The following ILDR1 variants were observed in gnomAD, a reference collection of about 807,000 sequenced individuals.
ILDR1 encodes immunoglobulin-like domain-containing receptor 1.
In ILDR1, 56 loss-of-function variants were observed where a neutral mutation model predicts 62.4. The observed-to-expected ratio is 0.90, with a 90% CI of 0.72 to 1.12. The LOEUF is 1.12. Ranked by LOEUF, ILDR1 falls within the 50% of genes most tolerant of loss-of-function variation. ILDR1 has a pLI of 0.00. For missense variants in ILDR1, 736 were observed against 710.6 expected (o/e 1.04, Z -0.41); for synonymous variants, 284 against 277.8 (o/e 1.02, Z -0.22).
At chr3:122,034,639 TG>T in the ILDR1 span, among the ~76,000 whole-genome samples, 1 of 109,038 alleles carries the variant, frequency 9.2e-6, no homozygotes, top group African/African-American at 3.3e-5. Flanking sequence ...GCAGGTTTTT[TG>T]TTGTTGTTGT....
upstream of ILDR1, among the ~76,000 whole-genome samples, chr3:122,022,840 G>C (rs142301968): frequency 0.023 from 3,470 of 152,176 alleles, 134 homozygotes; most frequent in African/African-American, 0.078. Flanking sequence ...TTGAACCTGG[G>C]AGGCGGAGGT....
At chr3:122,050,218 A>T in the ILDR1 span, among the ~76,000 whole-genome samples, 1 of 152,154 alleles carries the variant, frequency 6.6e-6, no homozygotes, top group Non-Finnish European at 1.5e-5. Context: ...AACTCATTCA[A>T]CTGTGCTATG....
chr3:122,011,497 C>A (rs2071700520), intron 1 of ILDR1, among the ~76,000 whole-genome samples: 2 of 151,956 alleles, frequency 1.3e-5, no homozygotes, highest in Admixed American at 1.3e-4. Context: ...ATCTTCTCTT[C>A]TATTTCATCC....
intron 1 of ILDR1, among the ~76,000 whole-genome samples, chr3:122,009,405 T>C (rs1270858791): frequency 6.7e-6 from 1 of 148,454 alleles, no homozygotes; most frequent in Non-Finnish European, 1.5e-5. Context: ...AATTAAACTT[T>C]AATATTTACT....
the ILDR1 span, among the ~76,000 whole-genome samples, chr3:122,041,178 AG>A: frequency 6.6e-6 from 1 of 152,140 alleles, no homozygotes; most frequent in East Asian, 1.9e-4. Context: ...CCCAAAAGCC[AG>A]GGTTGGAAAC....
chr3:122,039,859 G>A, the ILDR1 span, among the ~76,000 whole-genome samples: 8 of 151,918 alleles, frequency 5.3e-5, no homozygotes, highest in African/African-American at 9.6e-5. Flanking sequence ...AATGATAATA[G>A]CACAATTGTA....
intron 5 of ILDR1, among the ~76,000 whole-genome samples, chr3:121,997,189 C>G (rs921344993): frequency 1.3e-4 from 20 of 151,402 alleles, no homozygotes; most frequent in Non-Finnish European, 2.9e-4. Context: ...GCATGAGCCA[C>G]CATGCCCAGC....
At chr3:122,041,804 T>A in the ILDR1 span, among the ~76,000 whole-genome samples, 10 of 152,170 alleles carry the variant, frequency 6.6e-5, no homozygotes, top group Admixed American at 5.9e-4. Flanking sequence ...AACTTTTTTT[T>A]TTCTGGTGGA....
chr3:122,023,403 A>T (rs1027261189), upstream of ILDR1, among the ~76,000 whole-genome samples: 2 of 152,182 alleles, frequency 1.3e-5, no homozygotes, highest in Non-Finnish European at 2.9e-5. Context: ...TTCTTCAAGA[A>T]AAATAAATGA....
At chr3:122,025,585 A>G (rs2071912426), upstream of ILDR1, among the ~76,000 whole-genome samples, 1 of 152,252 alleles carries the variant, frequency 6.6e-6, no homozygotes, top group Admixed American at 6.5e-5. Flanking sequence ...CTCATCATTT[A>G]TAATCATACT....
chr3:122,000,025 C>T (rs942547551), intron 5 of ILDR1, among the ~76,000 whole-genome samples: 74 of 149,534 alleles, frequency 4.9e-4, no homozygotes, highest in Non-Finnish European at 2.4e-4. Context: ...TGTATAAATA[C>T]TAAACCTCCT....
chr3:122,047,976 C>T, the ILDR1 span, among the ~76,000 whole-genome samples: 1 of 152,212 alleles, frequency 6.6e-6, no homozygotes, highest in Non-Finnish European at 1.5e-5. Flanking sequence ...TTGGCTAGGG[C>T]ATCCAGCACT....
At chr3:122,046,974 C>T in the ILDR1 span, among the ~76,000 whole-genome samples, 1 of 144,680 alleles carries the variant, frequency 6.9e-6, no homozygotes, top group Non-Finnish European at 1.5e-5. Flanking sequence ...AACTGCGTTC[C>T]TTTGGAGGAG....
chr3:121,992,385 G>A (rs1031839989), intron 7 of ILDR1, among the ~76,000 whole-genome samples: 14 of 152,106 alleles, frequency 9.2e-5, no homozygotes, highest in African/African-American at 2.7e-4. Context: ...TGATCCACCC[G>A]CCTCGGCCTC....
intron 1 of ILDR1, among the ~76,000 whole-genome samples, chr3:122,021,420 T>G (rs540988621): frequency 6.6e-6 from 1 of 152,256 alleles, no homozygotes; most frequent in African/African-American, 2.4e-5. Flanking sequence ...GGTAAGAGAA[T>G]GAAGCCTGAG....
chr3:122,002,618 AT>A (rs137896039), intron 3 of ILDR1, among the ~76,000 whole-genome samples: 9 of 150,178 alleles, frequency 6.0e-5, no homozygotes, highest in African/African-American at 1.5e-4. Context: ...CTGTACATTC[AT>A]TTTTTTTTTA....
At chr3:122,038,681 G>T in the ILDR1 span, among the ~76,000 whole-genome samples, 3 of 152,100 alleles carry the variant, frequency 2.0e-5, no homozygotes, top group African/African-American at 4.8e-5. Flanking sequence ...AAAGATGTTG[G>T]AATTAACTGA....
chr3:122,051,849 T>C, the ILDR1 span, among the ~76,000 whole-genome samples: 1 of 152,198 alleles, frequency 6.6e-6, no homozygotes, highest in South Asian at 2.1e-4. Flanking sequence ...AAACATTTTC[T>C]GTGGATACGT....
intron 1 of ILDR1, among the ~76,000 whole-genome samples, chr3:122,008,480 T>G (rs1313091451): frequency 2.0e-5 from 3 of 152,224 alleles, no homozygotes; most frequent in African/African-American, 7.2e-5. Flanking sequence ...CCAGAGGACT[T>G]GTGACAGCCC....
Sources: gnomAD v4.1 joint callset for allele counts (sites outside exome capture counted in the v4.1 genomes callset) on GRCh38, gnomAD v4.1.1 for gene constraint, MANE v1.5 for transcripts, NCBI Gene and HGNC (gene_info 2026-07-23, HGNC 2026-07-21) for gene names.